KRT80: variants seen among roughly 807,000 people sequenced by gnomAD.
KRT80 encodes the protein keratin, type II cytoskeletal 80.
A neutral mutation model predicts 51.5 loss-of-function variants in KRT80; 36 were observed. The ratio of observed to expected loss-of-function variants is 0.70; its 90% CI spans 0.54 to 0.92. The LOEUF is 0.92. Among genes scored for constraint, KRT80 ranks in the 40% least tolerant of loss-of-function variants. The pLI, the probability that KRT80 is intolerant of heterozygous loss-of-function variation, is 0.00. For missense variants in KRT80, 566 were observed against 591.7 expected, an observed-to-expected ratio of 0.96 and a Z score of 0.45; for synonymous variants, 235 against 248.3, an observed-to-expected ratio of 0.95 and a Z score of 0.50.
intron 5 of KRT80, among the ~76,000 whole-genome samples, chr12:52,173,369 C>T (rs961600351): frequency 6.6e-6 from 1 of 152,198 alleles, no homozygotes; most frequent in Non-Finnish European, 1.5e-5. Flanking sequence ...TGGGCCATGC[C>T]CACATCTGGC....
intron 4 of KRT80, among the ~76,000 whole-genome samples, chr12:52,176,760 C>A (rs1002216065): frequency 6.6e-6 from 1 of 152,190 alleles, no homozygotes; most frequent in East Asian, 1.9e-4. Context: ...GGATTACAGG[C>A]GTGAGCCACT....
chr12:52,172,321 AGGGC>A lies in KRT80; in HGVS notation c.1051_1054del (p.Ala351CysfsTer18), dbSNP rs773823401. The stretch of plus-strand genomic sequence containing the variant: ...CGCCATGTCCTGCTTGGCCTGCTGC[AGGGC>A]GGCCTCCAGCTGGGCCAGCTTGGTC... On this transcript the variant is annotated frameshift_variant, in exon 7 of 9. Coordinates refer to ENST00000394815, the MANE Select transcript of KRT80 (RefSeq NM_182507.3). LOFTEE classifies it high-confidence loss of function. 1 of 1,614,074 alleles carries A rather than the reference AGGGC, an allele frequency of 6.2e-7. No homozygotes were observed. The highest frequency in any genetic ancestry group is 8.5e-7 in the Non-Finnish European group (1 of 1,180,044).
rs138110418 is a variant in KRT80 at position 52,185,415 on chromosome 12, A to G, written c.473T>C (p.Leu158Pro). 52 of 1,614,014 alleles carry G rather than the reference A, an allele frequency of 3.2e-5. No individual in the cohort carries two copies. The highest frequency in any genetic ancestry group is 4.1e-5 in the Non-Finnish European group (48 of 1,179,996). The change falls in exon 2 of 9, where the codon CTG (leucine) becomes CCG (proline). Residue 158 changes from leucine (L) to proline (P), a missense_variant. Physicochemically the swap from Leu to Pro is moderately conservative, Grantham distance 98. Transcript: ENST00000394815. ...CTCCTCAACCTTCTCCAGCACCTGC[A>G]GCAGGTTGGCCTCCAGCTGCCCCCG... Reference protein sequence around the residue: ...QERGQLEANLLQVLEKVEEFR... With the variant: ...QERGQLEANLPQVLEKVEEFR...
At chr12:52,173,564 C>T in intron 5 of KRT80, 36 bp downstream of exon 5, 3 of 1,604,578 alleles carry the variant, frequency 1.9e-6, no homozygotes, top group African/African-American at 1.3e-5. Context: ...GAGAACTGTC[C>T]AGGCTGCTTC....
At chr12:52,184,648 A>G (rs1941373888) in intron 2 of KRT80, among the ~76,000 whole-genome samples, 1 of 152,208 alleles carries the variant, frequency 6.6e-6, no homozygotes. Flanking sequence ...TAAGCCACTT[A>G]CTGGAGGTCA....
intron 4 of KRT80, among the ~76,000 whole-genome samples, chr12:52,177,956 T>C (rs1396684648): frequency 6.6e-6 from 1 of 152,192 alleles, no homozygotes; most frequent in Non-Finnish European, 1.5e-5. Context: ...ATTTTTTCTG[T>C]TATTTTAAAA....
intron 1 of KRT80, among the ~76,000 whole-genome samples, chr12:52,189,148 CT>C (rs749495825): frequency 2.2e-4 from 34 of 152,254 alleles, no homozygotes; most frequent in South Asian, 8.3e-4. Flanking sequence ...GCCCCCACCC[CT>C]CTCCTCTCTT....
At position 52,185,596 on chromosome 12, in the gene KRT80, G is replaced by T. The variant is rs1198030544; in HGVS notation, c.301-9C>A. On this transcript the variant is annotated splice_polypyrimidine_tract_variant and intron_variant, in intron 1 of 8. Coordinates refer to ENST00000394815, the MANE Select transcript of KRT80 (RefSeq NM_182507.3). The stretch of plus-strand genomic sequence containing the variant: ...TGTTCCAGGGCTTGCACCTGGGAGA[G>T]CAGGAAGGCGGCGAATGGGTCAGGT... 6.2e-7 allele frequency: 1 copy of T among 1,604,230 alleles called. No homozygotes were observed.
At chr12:52,186,820 G>T (rs1047627437) in intron 1 of KRT80, among the ~76,000 whole-genome samples, 1 of 152,022 alleles carries the variant, frequency 6.6e-6, no homozygotes, top group Non-Finnish European at 1.5e-5. Context: ...AGGGTCCTGC[G>T]CAGTCCTCTC....
chr12:52,179,014 C>T (rs1436469258), intron 4 of KRT80, among the ~76,000 whole-genome samples: 1 of 152,248 alleles, frequency 6.6e-6, no homozygotes, highest in Non-Finnish European at 1.5e-5. Context: ...GCCCAGCCTT[C>T]TTCCAGTTAT....
intron 1 of KRT80, among the ~76,000 whole-genome samples, chr12:52,185,974 G>A (rs149328944): frequency 2.0e-5 from 3 of 151,944 alleles, no homozygotes; most frequent in African/African-American, 4.8e-5. Flanking sequence ...TTGCCACCAC[G>A]ACAAGTGTGG....
chr12:52,186,033 T>C (rs1039978175), intron 1 of KRT80, among the ~76,000 whole-genome samples: 9 of 151,936 alleles, frequency 5.9e-5, no homozygotes, highest in Admixed American at 5.2e-4. Context: ...GTTAGTACTG[T>C]CCTTAAGTGC....
chr12:52,189,361 C>T (rs906542529), intron 1 of KRT80, among the ~76,000 whole-genome samples: 6 of 152,248 alleles, frequency 3.9e-5, no homozygotes, highest in South Asian at 2.1e-4. Context: ...CTGGGCCAGG[C>T]CCATTTATTT....
chr12:52,180,477 C>T, intron 4 of KRT80, 36 bp downstream of exon 4: 2 of 1,378,688 alleles, frequency 1.5e-6, no homozygotes, highest in South Asian at 4.2e-5. Flanking sequence ...CCAGCCAGCT[C>T]TGGGCTTGGC....
chr12:52,171,691 CAGTGGCTG>C lies in KRT80; in HGVS notation c.1193_1200del (p.Ser398CysfsTer73), dbSNP rs1157348735. On this transcript the variant is annotated frameshift_variant, in exon 8 of 9. Transcript: ENST00000394815. LOFTEE classifies it high-confidence loss of function. ...CACCTGGACTGCACAGCGCTGACCA[CAGTGGCTG>C]AGGGCGAGTCCATCCTGGGGGTGGG... The C allele has an allele frequency of 7.6e-7, 1 of 1,308,808 alleles. No homozygotes were observed. The highest frequency in any genetic ancestry group is 1.7e-5 in the African/African-American group (1 of 58,612). The allele number at this position is 1,308,808 out of a possible 1,614,324, so 81.1% of individuals were successfully genotyped here.
Position 52,191,653 on chromosome 12 carries a change from T to C in KRT80, c.250A>G (p.Lys84Glu), listed in dbSNP as rs767314405. Residue 84 changes from lysine to glutamate, a missense_variant, in exon 1 of 9, where the codon AAG (lysine) becomes GAG (glutamate). Coordinates refer to ENST00000394815, the MANE Select transcript of KRT80 (RefSeq NM_182507.3). ...TCATTGAGGGCCTTCATCTCCTCCT[T>C]CTCCTGGTTCTTCAGCTGCTGAACA... ...PAVQQLKNQEKEEMKALNDKF... is the reference protein window; with the variant it reads ...PAVQQLKNQEEEEMKALNDKF... The C allele has an allele frequency of 6.2e-7, 1 of 1,610,500 alleles. No individual in the cohort carries two copies. Among genetic ancestry groups the C allele is most frequent in the Non-Finnish European group, 8.5e-7 (1 of 1,177,556 alleles).
intron 1 of KRT80, among the ~76,000 whole-genome samples, chr12:52,188,769 T>C (rs1941441265): frequency 6.6e-6 from 1 of 152,340 alleles, no homozygotes; most frequent in Non-Finnish European, 1.5e-5. Context: ...CAGGCAGTCC[T>C]GCCTCTTGCC....
rs1254720340 is a variant in KRT80, at chr12:52,171,425, GA to G, written c.1331del (p.Phe444SerfsTer99). The G allele has an allele frequency of 3.7e-6, 6 of 1,608,362 alleles. No homozygotes were observed. Among genetic ancestry groups the G allele is most frequent in the Non-Finnish European group, 5.1e-6 (6 of 1,177,228 alleles). On this transcript the variant is annotated frameshift_variant, in exon 9 of 9. Transcript: ENST00000394815. LOFTEE classifies it high-confidence loss of function. ...IKITEMSEKYFSQESEVSE is the reference protein window; with the variant it reads ...IKITEMSEKYXSQESEVSE ...ACTCTGAGACCTCCGACTCCTGCGA[GA>G]AGTACTTCTCTGACATTTCGGTGAT...
intron 2 of KRT80, among the ~76,000 whole-genome samples, chr12:52,184,710 C>A (rs986473881): frequency 6.6e-6 from 1 of 152,202 alleles, no homozygotes; most frequent in African/African-American, 2.4e-5. Context: ...TGGGCTAATG[C>A]CCAAGCCTGG....
Sources: gnomAD v4.1 joint callset for allele counts (sites outside exome capture counted in the v4.1 genomes callset) on GRCh38, gnomAD v4.1.1 for gene constraint, MANE v1.5 for transcripts, NCBI Gene and HGNC (gene_info 2026-07-23, HGNC 2026-07-21) for gene names.